The following AP1B1 variants were observed in gnomAD, a reference collection of about 807,000 sequenced individuals.
AP1B1 encodes the protein AP-1 complex subunit beta-1.
In AP1B1, 36 loss-of-function variants were observed where a neutral mutation model predicts 104.3. The ratio of observed to expected loss-of-function variants is 0.35; its 90% CI spans 0.26 to 0.46. The LOEUF is 0.46. Ranked by LOEUF, AP1B1 falls within the 20% of genes least tolerant of loss-of-function variation. The pLI is 1.00. For synonymous variants in AP1B1, 504 were observed against 517.5 expected (o/e 0.97, Z 0.35); for missense variants, 901 against 1,247.9 (o/e 0.72, Z 4.19).
chr22:29,361,230 G>A (rs1246764754), intron 3 of AP1B1, among the ~76,000 whole-genome samples: 1 of 152,212 alleles, frequency 6.6e-6, no homozygotes, highest in Non-Finnish European at 1.5e-5. Flanking sequence ...GGCTTCCAAA[G>A]GGCTCTCTGC....
chr22:29,357,873 A>G (rs1186757864), intron 5 of AP1B1, among the ~76,000 whole-genome samples: 11 of 151,610 alleles, frequency 7.3e-5, no homozygotes, highest in Non-Finnish European at 5.9e-5. Flanking sequence ...TTTTGAGTAG[A>G]GATGGGGTTT....
In AP1B1 at chr22:29,330,468, G is replaced by T. The variant is rs766009954; in HGVS notation, c.2676C>A (p.Gly892=). Residue 892 remains glycine, a synonymous_variant, in exon 21 of 23, where the codon GGC becomes GGA. Transcript: ENST00000357586. ...IFTVAKRNVE[G]QDMLYQSLKL... ...TCAGGGACTGGTAGAGCATGTCCTG[G>T]CCCTCCACGTTCCTCTTGGCGACAG... The T allele has an allele frequency of 2.5e-6, 4 of 1,613,846 alleles. No individual in the cohort carries two copies. Among genetic ancestry groups the T allele is most frequent in the Non-Finnish European group, 3.4e-6 (4 of 1,179,870 alleles).
chr22:29,355,713 T>C (rs540649591), intron 6 of AP1B1, among the ~76,000 whole-genome samples: 3 of 152,086 alleles, frequency 2.0e-5, no homozygotes, highest in African/African-American at 4.8e-5. Context: ...CTGGGCAACA[T>C]GGAGAAAACC....
At position 29,351,198 on chromosome 22, in the gene AP1B1, A is replaced by G; in HGVS notation, c.1128T>C (p.Ala376=). The part of the protein sequence containing the change: ...DVDFVRKAVR[A]IGRCAIKVEQ... ...CCACCTTGATGGCGCAGCGGCCAAT[A>G]GCACGCACAGCCTTCCGTACAAAGT... Residue 376 remains alanine (A), a synonymous_variant, in exon 9 of 23, where the codon GCT becomes GCC. Transcript: ENST00000357586. 1 of 1,613,768 alleles carries G rather than the reference A, an allele frequency of 6.2e-7. No homozygotes were observed. Among genetic ancestry groups the G allele is most frequent in the African/African-American group, 1.3e-5 (1 of 75,036 alleles).
At chr22:29,349,897 AAAAC>A in intron 10 of AP1B1, 134 bp downstream of exon 10, 1 of 732,612 alleles carries the variant, frequency 1.4e-6, no homozygotes, top group Non-Finnish European at 2.3e-6. Context: ...GACGAAATAA[AAAAC>A]AAAGGGTTTC....
rs377000015 is a variant in AP1B1 at position 29,356,437 on chromosome 22, G to A, written c.705C>T (p.Arg235=). 83 of 1,613,142 alleles carry A rather than the reference G, an allele frequency of 5.1e-5. No individual in the cohort carries two copies. Among genetic ancestry groups the A allele is most frequent in the East Asian group, 1.6e-4 (7 of 44,860 alleles). The change falls in exon 6 of 23, where the codon CGC becomes CGT. Residue 235 remains arginine, a synonymous_variant. Coordinates refer to ENST00000357586, the MANE Select transcript of AP1B1 (RefSeq NM_001127.4). ...CLANYMPKDD[R]EAQSICERVT... is the part of the protein sequence containing the mutation. ...GGCAGCCCGCTCACCTCTGGGCCTC[G>A]CGGTCGTCCTTGGGCATATAGTTGG...
At chr22:29,349,901 C>A in intron 10 of AP1B1, 134 bp downstream of exon 10, 1 of 747,100 alleles carries the variant, frequency 1.3e-6, no homozygotes. Flanking sequence ...AAATAAAAAA[C>A]AAAGGGTTTC....
Position 29,349,301 on chromosome 22 carries a change from C to T in AP1B1, c.1354G>A (p.Val452Met), listed in dbSNP as rs1402368855. 2 of 1,614,146 alleles carry T rather than the reference C, an allele frequency of 1.2e-6. No individual in the cohort carries two copies. The highest frequency in any genetic ancestry group is 1.7e-5 in the Admixed American group (1 of 60,034). The change falls in exon 11 of 23, where the codon GTG becomes ATG. Residue 452 changes from valine (V) to methionine (M), a missense_variant. By Grantham distance (21) the Val-to-Met change is conservative (BLOSUM62 1). Coordinates refer to ENST00000357586, the MANE Select transcript of AP1B1 (RefSeq NM_001127.4). ...TCGATCCGTTCCGCGTACTCGCCCACAATCCAGATCATGGCAGCCCGGGCC... is the reference window on the plus strand; with the variant it reads ...TCGATCCGTTCCGCGTACTCGCCCATAATCCAGATCATGGCAGCCCGGGCC... ...PEARAAMIWI[V>M]GEYAERIDNA...
At chr22:29,339,920 G>C in intron 14 of AP1B1, 146 bp from the exon 15 acceptor site, 2 of 910,656 alleles carry the variant, frequency 2.2e-6, no homozygotes, top group South Asian at 3.0e-5. Flanking sequence ...GTGGTGTGAG[G>C]TCTGGCGAGA....
chr22:29,383,175 GTC>G (rs1569168547), intron 1 of AP1B1, among the ~76,000 whole-genome samples: 1 of 152,196 alleles, frequency 6.6e-6, no homozygotes, highest in Non-Finnish European at 1.5e-5. Flanking sequence ...GACTTAGAAA[GTC>G]TCTGTCCTCA....
At chr22:29,353,530 C>G (rs999989494) in intron 7 of AP1B1, among the ~76,000 whole-genome samples, 3 of 152,214 alleles carry the variant, frequency 2.0e-5, no homozygotes, top group Non-Finnish European at 4.4e-5. Context: ...CCCAAGGGCA[C>G]TGGCGTATAA....
intron 16 of AP1B1, among the ~76,000 whole-genome samples, chr22:29,337,623 G>T (rs1161422017): frequency 6.6e-6 from 1 of 152,188 alleles, no homozygotes; most frequent in Non-Finnish European, 1.5e-5. Context: ...GTGATGAGGG[G>T]ATCAGGCCTG....
chr22:29,329,143 C>A (rs1158542348), intron 22 of AP1B1: 2 of 1,319,748 alleles, frequency 1.5e-6, no homozygotes, highest in East Asian at 6.6e-5. Context: ...GCCCTGCTGG[C>A]GAGCAGTGTG....
chr22:29,347,800 G>C (rs552286329), intron 11 of AP1B1, among the ~76,000 whole-genome samples: 2 of 152,190 alleles, frequency 1.3e-5, no homozygotes, highest in Non-Finnish European at 1.5e-5. Flanking sequence ...CAGGAATCTG[G>C]CAACAGCTAC....
At chr22:29,347,143 T>C (rs1240927943) in intron 11 of AP1B1, among the ~76,000 whole-genome samples, 2 of 152,312 alleles carry the variant, frequency 1.3e-5, no homozygotes, top group South Asian at 2.1e-4. Flanking sequence ...AGCCTATCCA[T>C]GGCAGAAGAT....
intron 11 of AP1B1, among the ~76,000 whole-genome samples, chr22:29,345,069 T>G (rs2061771501): frequency 6.6e-6 from 1 of 152,126 alleles, no homozygotes; most frequent in South Asian, 2.1e-4. Flanking sequence ...CAAGTATTCT[T>G]TTTTTTTGAG....
At chr22:29,359,745 G>A (rs2062014326) in intron 4 of AP1B1, 79 bp downstream of exon 4, 6 of 1,530,308 alleles carry the variant, frequency 3.9e-6, no homozygotes, top group Non-Finnish European at 5.3e-6. Flanking sequence ...CAGTGCCACA[G>A]GGCCCCGCCC....
chr22:29,364,988 C>T (rs1387761508), intron 2 of AP1B1, among the ~76,000 whole-genome samples: 4 of 152,204 alleles, frequency 2.6e-5, no homozygotes, highest in Non-Finnish European at 4.4e-5. Flanking sequence ...AGACTACAGG[C>T]CTGAGCCACC....
chr22:29,328,941 G>A lies in AP1B1; in HGVS notation c.2776-46C>T. ...GGGGGAAAGAGCGCTCATCCCTGGG[G>A]TTCCTCTCAGGAAGGAAAGGGGTGG... On this transcript the variant is annotated intron_variant, in intron 22 of 22. Coordinates refer to ENST00000357586, the MANE Select transcript of AP1B1 (RefSeq NM_001127.4). The surrounding 1 kb of genome is among the most constrained non-coding windows in gnomAD (Gnocchi z 4.1). 6.3e-7 allele frequency: 1 copy of A among 1,583,130 alleles called. No individual in the cohort carries two copies. Among genetic ancestry groups the A allele is most frequent in the Non-Finnish European group, 8.6e-7 (1 of 1,167,722 alleles).
Sources: gnomAD v4.1 joint callset for allele counts (sites outside exome capture counted in the v4.1 genomes callset) on GRCh38, gnomAD v4.1.1 for gene constraint, Gnocchi (gnomAD v3.1) non-coding constraint, MANE v1.5 for transcripts, NCBI Gene and HGNC (gene_info 2026-07-23, HGNC 2026-07-21) for gene names.